Variants in FIG4 observed in about 807,000 individuals in gnomAD.
FIG4 encodes polyphosphoinositide phosphatase.
In FIG4, 112 loss-of-function variants were observed where a neutral mutation model predicts 118.6. That is an observed-to-expected ratio of 0.94 (90% confidence interval 0.81 to 1.11). The LOEUF is 1.11. Ranked by LOEUF, FIG4 falls within the 50% of genes least tolerant of loss-of-function variation. FIG4 has a pLI of 0.00. For synonymous variants in FIG4, 369 were observed against 381.2 expected, an observed-to-expected ratio of 0.97 and a Z score of 0.37; for missense variants, 969 against 1,111.7, an observed-to-expected ratio of 0.87 and a Z score of 1.83.
chr6:109,766,927 T>G (rs1777297870), intron 15 of FIG4, 32 bp downstream of exon 15: 1 of 1,588,412 alleles, frequency 6.3e-7, no homozygotes, highest in Non-Finnish European at 8.6e-7. Flanking sequence ...TTTTTAAGAC[T>G]TACTCTGAAG....
At chr6:109,712,796 A>G (rs1209905857) in intron 1 of FIG4, among the ~76,000 whole-genome samples, 1 of 152,214 alleles carries the variant, frequency 6.6e-6, no homozygotes. Context: ...TTTGGAGGAA[A>G]AAAGGCACTT....
intron 4 of FIG4, 39 bp from the exon 5 acceptor site, chr6:109,732,598 A>T: frequency 9.9e-7 from 1 of 1,014,890 alleles, no homozygotes; most frequent in Non-Finnish European, 1.5e-6. Flanking sequence ...AAATAATAGT[A>T]TTGGACAAAT....
intron 22 of FIG4, among the ~76,000 whole-genome samples, chr6:109,803,906 G>A (rs1004880952): frequency 5.9e-5 from 9 of 151,830 alleles, no homozygotes; most frequent in Non-Finnish European, 4.4e-5. Flanking sequence ...CATGGATGAA[G>A]CTGGAAACCA....
At chr6:109,743,822 C>A (rs1776401009) in intron 10 of FIG4, 50 bp downstream of exon 10, 3 of 1,325,132 alleles carry the variant, frequency 2.3e-6, no homozygotes, top group Non-Finnish European at 2.2e-6. Context: ...CTCTGGGAAG[C>A]CTCTTCCTCA....
chr6:109,806,509 G>A (rs971717721), intron 22 of FIG4, among the ~76,000 whole-genome samples: 4 of 151,932 alleles, frequency 2.6e-5, no homozygotes, highest in African/African-American at 7.3e-5. Context: ...ATGTGCTTGT[G>A]TAGTGTATTA....
chr6:109,804,179 A>G (rs1057511034), intron 22 of FIG4, among the ~76,000 whole-genome samples: 11 of 152,152 alleles, frequency 7.2e-5, no homozygotes, highest in African/African-American at 2.4e-4. Context: ...ATGTGGTCAT[A>G]TGAGGGGTAT....
chr6:109,761,084 C>T (rs965139022), intron 11 of FIG4, among the ~76,000 whole-genome samples: 6 of 152,122 alleles, frequency 3.9e-5, no homozygotes, highest in African/African-American at 1.4e-4. Flanking sequence ...GTTACTATAT[C>T]GTTTTGTACT....
intron 10 of FIG4, among the ~76,000 whole-genome samples, chr6:109,758,273 G>A (rs1776985836): frequency 6.6e-6 from 1 of 152,096 alleles, no homozygotes; most frequent in East Asian, 1.9e-4. Flanking sequence ...TAGACCAATG[G>A]AACAGAACAG....
intron 1 of FIG4, among the ~76,000 whole-genome samples, chr6:109,701,239 C>T (rs1774897175): frequency 6.6e-6 from 1 of 152,166 alleles, no homozygotes; most frequent in African/African-American, 2.4e-5. Context: ...TTCTTTTTGG[C>T]ACCTAGCACC....
At chr6:109,701,374 A>T (rs1774903074) in intron 1 of FIG4, among the ~76,000 whole-genome samples, 1 of 152,242 alleles carries the variant, frequency 6.6e-6, no homozygotes, top group Non-Finnish European at 1.5e-5. Flanking sequence ...GAGATTCAGC[A>T]ACCTGAAGTT....
chr6:109,786,499 C>T, intron 18 of FIG4, 50 bp downstream of exon 18: 1 of 1,598,782 alleles, frequency 6.3e-7, no homozygotes, highest in Non-Finnish European at 8.6e-7. Context: ...CTGTAGTTTT[C>T]CTAGTTTGTA....
chr6:109,792,334 C>T (rs1312754283), intron 20 of FIG4, among the ~76,000 whole-genome samples: 1 of 152,234 alleles, frequency 6.6e-6, no homozygotes, highest in African/African-American at 2.4e-5. Flanking sequence ...TTGCCAACTC[C>T]TGCATTATAC....
intron 10 of FIG4, among the ~76,000 whole-genome samples, chr6:109,748,395 A>T (rs1028178341): frequency 3.3e-5 from 5 of 152,172 alleles, no homozygotes; most frequent in African/African-American, 1.2e-4. Flanking sequence ...GACAGGGCTT[A>T]AAGAACAGGG....
At chr6:109,734,372 C>CAT (rs1776098649) in intron 5 of FIG4, among the ~76,000 whole-genome samples, 1 of 150,664 alleles carries the variant, frequency 6.6e-6, no homozygotes. Flanking sequence ...ACACACTATA[C>CAT]ATATATATAG....
intron 22 of FIG4, among the ~76,000 whole-genome samples, chr6:109,821,019 C>T (rs1285710579): frequency 1.3e-5 from 2 of 152,178 alleles, no homozygotes; most frequent in Admixed American, 6.5e-5. Flanking sequence ...AGAAGGGGTT[C>T]ACCCAATTCA....
At chr6:109,805,055 G>GT (rs1053815999) in intron 22 of FIG4, among the ~76,000 whole-genome samples, 12 of 152,186 alleles carry the variant, frequency 7.9e-5, no homozygotes, top group Non-Finnish European at 1.8e-4. Flanking sequence ...ATAAATATTT[G>GT]TAAGTTTTTA....
Position 109,776,132 on chromosome 6 carries a change from A to C in FIG4, c.1751-790A>C, listed in dbSNP as rs568680380. The stretch of plus-strand genomic sequence containing the variant: ...AGAACGAAGGACACTAGGGAGGAGA[A>C]TGTAGAATGGGATGGGTGGTTCATG... On this transcript the variant is annotated intron_variant, in intron 15 of 22. Coordinates refer to ENST00000230124, the MANE Select transcript of FIG4 (RefSeq NM_014845.6). Among the ~76,000 whole-genome samples the C allele has an allele frequency of 4.6e-5, 7 of 152,344 alleles. No individual in the cohort carries two copies. The South Asian group carries it at 1.4e-3, about 32-fold the overall frequency.
At chr6:109,711,160 G>T (rs973480172) in intron 1 of FIG4, among the ~76,000 whole-genome samples, 4 of 152,100 alleles carry the variant, frequency 2.6e-5, no homozygotes, top group Non-Finnish European at 5.9e-5. Flanking sequence ...AGCACTTTGG[G>T]AGGCTGAGAT....
At chr6:109,749,050 GA>G (rs906799549) in intron 10 of FIG4, among the ~76,000 whole-genome samples, 7 of 124,888 alleles carry the variant, frequency 5.6e-5, no homozygotes, top group Non-Finnish European at 8.5e-5. Flanking sequence ...GGGCTCAAAG[GA>G]GCTCTGTGTG....
Sources: gnomAD v4.1 joint callset for allele counts (sites outside exome capture counted in the v4.1 genomes callset) on GRCh38, gnomAD v4.1.1 for gene constraint, MANE v1.5 for transcripts, NCBI Gene and HGNC (gene_info 2026-07-23, HGNC 2026-07-21) for gene names.